Variants in OCM observed in about 807,000 individuals in gnomAD.
The protein encoded by OCM is oncomodulin-1.
Under a neutral mutation model 14.1 loss-of-function variants are expected in OCM, and 18 were observed. The ratio of observed to expected loss-of-function variants is 1.28; its 90% CI spans 0.88 to 1.89. OCM has a LOEUF of 1.89. Ranked by LOEUF, OCM falls within the 40% of genes most tolerant of loss-of-function variation. The pLI, the probability that OCM is intolerant of heterozygous loss-of-function variation, is 0.00. For missense variants in OCM, 140 were observed against 137.6 expected, an observed-to-expected ratio of 1.02 and a Z score of -0.09; for synonymous variants, 48 against 51.0, an observed-to-expected ratio of 0.94 and a Z score of 0.25.
upstream of OCM, among the ~76,000 whole-genome samples, chr7:5,877,449 C>T (rs1196752246): frequency 2.0e-5 from 3 of 151,778 alleles, no homozygotes; most frequent in Non-Finnish European, 4.4e-5. Context: ...GCCCGAAGAG[C>T]GAAACTCTGT....
chr7:5,863,449 G>A, the OCM span, among the ~76,000 whole-genome samples: 4 of 152,182 alleles, frequency 2.6e-5, no homozygotes, highest in East Asian at 1.9e-4. Context: ...AGTACGTGGA[G>A]TGACGTGCTT....
At chr7:5,880,752 C>T, upstream of OCM, 1 of 730,960 alleles carries the variant, frequency 1.4e-6, no homozygotes, top group Non-Finnish European at 2.2e-6. Context: ...GAGTGAGACT[C>T]CGTCTTAATT....
chr7:5,880,962 G>T lies in OCM; in HGVS notation c.61+12G>T. 1.2e-6 allele frequency: 2 copies of T among 1,610,784 alleles called. No homozygotes were observed. Among genetic ancestry groups the T allele is most frequent in the Non-Finnish European group, 1.7e-6 (2 of 1,177,166 alleles). ...CCAGGAATGCCGAGGTAGAGGGGAC[G>T]TGAGGCGGGGGTGGGATTTCCTCAC... On this transcript the variant is annotated intron_variant, in intron 1 of 3. Coordinates refer to ENST00000242104, the MANE Select transcript of OCM (RefSeq NM_001097622.2).
chr7:5,867,580 T>G, the OCM span, among the ~76,000 whole-genome samples: 1 of 152,178 alleles, frequency 6.6e-6, no homozygotes, highest in Non-Finnish European at 1.5e-5. Flanking sequence ...AATATTTTTC[T>G]GGTCCCTCCT....
upstream of OCM, among the ~76,000 whole-genome samples, chr7:5,876,224 G>A (rs1453382664): frequency 6.6e-6 from 1 of 152,098 alleles, no homozygotes; most frequent in Non-Finnish European, 1.5e-5. Context: ...GGCTGGCCTC[G>A]AACTCCTGAC....
Position 5,883,929 on chromosome 7 carries a change from G to C in OCM, c.234G>C (p.Leu78=). Residue 78 remains leucine (L), a synonymous_variant, in exon 3 of 4, where the codon CTG becomes CTC. Transcript: ENST00000242104. ...AGTTTGAGAGTGGTGCCAGAGAACT[G>C]ACCGAGTCAGAAACCAAGTCCTTGA... ...LQKFESGARE[L]TESETKSLMA... is the part of the protein sequence containing the mutation. The C allele has an allele frequency of 6.2e-7, 1 of 1,613,208 alleles. No individual in the cohort carries two copies. The highest frequency in any genetic ancestry group is 8.5e-7 in the Non-Finnish European group (1 of 1,179,632).
the OCM span, among the ~76,000 whole-genome samples, chr7:5,863,578 G>C: frequency 6.6e-6 from 1 of 151,006 alleles, no homozygotes; most frequent in African/African-American, 2.4e-5. Flanking sequence ...TGTCACCCAG[G>C]CTGGAGTGCA....
the OCM span, among the ~76,000 whole-genome samples, chr7:5,861,921 C>T: frequency 6.6e-6 from 1 of 151,982 alleles, no homozygotes. Flanking sequence ...CAGGGTCTTG[C>T]TATGTTACCC....
the OCM span, among the ~76,000 whole-genome samples, chr7:5,866,545 G>A: frequency 2.0e-5 from 3 of 152,032 alleles, no homozygotes; most frequent in Admixed American, 2.0e-4. Context: ...CTCCTTGATA[G>A]GATGGGAGGG....
Position 5,880,806 on chromosome 7 carries a change from C to G in OCM, c.-84C>G, listed in dbSNP as rs532830137. On this transcript the variant is annotated 5_prime_UTR_variant, in exon 1 of 4. Transcript: ENST00000242104. ...AGACACACATACAGTTTCAGTGGGC[C>G]TGGGAAGATGTGTTTCCCCTGGATG... is the stretch of plus-strand genomic sequence containing the variant. The G allele has an allele frequency of 9.9e-5, 130 of 1,306,910 alleles. No homozygotes were observed. Among genetic ancestry groups the G allele is most frequent in the Non-Finnish European group, 1.4e-4 (123 of 906,044 alleles). The allele number at this position is 1,306,910 out of a possible 1,614,324, so 81.0% of individuals were successfully genotyped here.
upstream of OCM, chr7:5,879,799 T>A (rs1781171728): frequency 6.6e-6 from 1 of 150,642 alleles, no homozygotes; most frequent in South Asian, 2.1e-4. Context: ...ACAAGACATT[T>A]GAGCTGCATC....
chr7:5,881,541 G>A (rs1196367880), intron 1 of OCM, among the ~76,000 whole-genome samples: 1 of 151,864 alleles, frequency 6.6e-6, no homozygotes, highest in Non-Finnish European at 1.5e-5. Flanking sequence ...AAGGTAGGAG[G>A]ATCACTGAAG....
the OCM span, among the ~76,000 whole-genome samples, chr7:5,863,136 T>C: frequency 2.6e-5 from 4 of 152,208 alleles, no homozygotes; most frequent in Non-Finnish European, 5.9e-5. Context: ...AATGTAGATT[T>C]ATTGATCGCT....
At chr7:5,881,201 C>A (rs1781209627) in intron 1 of OCM, among the ~76,000 whole-genome samples, 1 of 151,802 alleles carries the variant, frequency 6.6e-6, no homozygotes, top group Non-Finnish European at 1.5e-5. Context: ...TGCCTGTAAT[C>A]CCAGCTACTC....
the OCM span, among the ~76,000 whole-genome samples, chr7:5,871,153 C>T: frequency 6.7e-6 from 1 of 148,672 alleles, no homozygotes; most frequent in East Asian, 2.0e-4. Context: ...TTGAGACCAG[C>T]CTGGGCAACA....
intron 2 of OCM, among the ~76,000 whole-genome samples, chr7:5,882,978 G>C (rs1202802200): frequency 6.6e-6 from 1 of 151,710 alleles, no homozygotes; most frequent in Non-Finnish European, 1.5e-5. Context: ...AAGTGGCTGG[G>C]ATTACAGGTG....
rs555826259 is a variant in OCM at position 5,884,599 on chromosome 7, G to C, written c.304+600G>C. Among the ~76,000 whole-genome samples, 68 of 152,044 alleles carry C rather than the reference G, an allele frequency of 4.5e-4. No individual in the cohort carries two copies. In the South Asian group the frequency reaches 0.013, roughly 29 times the overall value. ...TGTAGGACTATTTTCACTTGATTTT[G>C]TCATGTTGCTAGCGTGCTTTTTAAC... On this transcript the variant is annotated intron_variant, in intron 3 of 3. Transcript: ENST00000242104.
upstream of OCM, among the ~76,000 whole-genome samples, chr7:5,878,427 C>G (rs1161901914): frequency 1.3e-5 from 2 of 151,630 alleles, no homozygotes; most frequent in African/African-American, 2.4e-5. Context: ...AGAGTTAACA[C>G]TATTGTACTA....
At chr7:5,863,555 T>TG in the OCM span, among the ~76,000 whole-genome samples, 1 of 146,754 alleles carries the variant, frequency 6.8e-6, no homozygotes, top group Non-Finnish European at 1.5e-5. Flanking sequence ...TTTCTCAAGA[T>TG]GGAGTCTTGC....
Sources: allele counts gnomAD v4.1 joint callset (sites outside exome capture counted in the v4.1 genomes callset), GRCh38; gene constraint gnomAD v4.1.1; transcripts MANE v1.5; gene names NCBI Gene and HGNC (gene_info 2026-07-23, HGNC 2026-07-21).